ANO10: variants seen among roughly 807,000 people sequenced by gnomAD.
ANO10 encodes the protein anoctamin 10.
Under a neutral mutation model 74.7 loss-of-function variants are expected in ANO10, and 77 were observed. That is an observed-to-expected ratio of 1.03 (90% CI 0.86 to 1.25). ANO10 has a LOEUF of 1.25. Ranked by LOEUF, ANO10 falls within the 50% of genes most tolerant of loss-of-function variation. ANO10 has a pLI of 0.00. For missense variants in ANO10, 721 were observed against 778.1 expected, an observed-to-expected ratio of 0.93 and a Z score of 0.87; for synonymous variants, 279 against 284.9, an observed-to-expected ratio of 0.98 and a Z score of 0.21.
chr3:43,483,227 C>T (rs570016177), intron 11 of ANO10, among the ~76,000 whole-genome samples: 5 of 152,256 alleles, frequency 3.3e-5, no homozygotes, highest in African/African-American at 9.6e-5. Flanking sequence ...TGACTTCCTG[C>T]GTAACTCTAG....
chr3:43,552,726 ATATGTATGTATGTATG>A (rs1182501393), intron 10 of ANO10, among the ~76,000 whole-genome samples: 27 of 95,564 alleles, frequency 2.8e-4, no homozygotes, highest in African/African-American at 1.0e-3. Flanking sequence ...ATATATATAT[ATATGTATGTATGTATG>A]TATGTATGTA....
At position 43,618,608 on chromosome 3, in the gene ANO10, C is replaced by G. The variant is rs114186067; in HGVS notation, c.-12+3301G>C. Among the ~76,000 whole-genome samples, 718 of 152,246 alleles carry G rather than the reference C, an allele frequency of 4.7e-3. 5 individuals carry two copies. The highest frequency in any genetic ancestry group is 0.017 in the African/African-American group (689 of 41,542). ...TTGGTAAAGAGTAAAGGCCATTACT[C>G]TTTCCTCCAAAAGACCCAGGGACTG... On this transcript the variant is annotated intron_variant, in intron 1 of 12. Coordinates refer to ENST00000292246, the MANE Select transcript of ANO10 (RefSeq NM_018075.5).
chr3:43,508,394 C>T (rs1459559468), intron 11 of ANO10, among the ~76,000 whole-genome samples: 2 of 152,196 alleles, frequency 1.3e-5, no homozygotes, highest in Non-Finnish European at 2.9e-5. Context: ...GGTGATTCCT[C>T]AAGGATCTAG....
chr3:43,640,983 T>C (rs1050719178), intron 1 of ANO10, among the ~76,000 whole-genome samples: 7 of 152,198 alleles, frequency 4.6e-5, no homozygotes, highest in Non-Finnish European at 8.8e-5. Flanking sequence ...AACGCTAGCA[T>C]ACACGCAGGC....
intron 1 of ANO10, among the ~76,000 whole-genome samples, chr3:43,671,749 A>G (rs2084062043): frequency 6.6e-6 from 1 of 152,162 alleles, no homozygotes; most frequent in Non-Finnish European, 1.5e-5. Flanking sequence ...TACAAAAGTA[A>G]CAGCAATATG....
At chr3:43,648,811 G>A (rs773590905) in intron 1 of ANO10, among the ~76,000 whole-genome samples, 2 of 151,778 alleles carry the variant, frequency 1.3e-5, no homozygotes, top group Non-Finnish European at 2.9e-5. Context: ...CGAGTAGCTG[G>A]AACTATAGGC....
chr3:43,543,723 A>G (rs1261836447), intron 11 of ANO10, among the ~76,000 whole-genome samples: 4 of 152,166 alleles, frequency 2.6e-5, no homozygotes, highest in Non-Finnish European at 5.9e-5. Context: ...GCAGATGGAG[A>G]GGGGGTGCCA....
chr3:43,597,944 C>A (rs7623828), intron 4 of ANO10, among the ~76,000 whole-genome samples: 45,869 of 150,900 alleles, frequency 0.3, 10,720 homozygotes, highest in African/African-American at 0.64. Flanking sequence ...ACAACAACAA[C>A]AAAAAAAACA....
At chr3:43,552,130 C>T (rs896018276) in intron 10 of ANO10, among the ~76,000 whole-genome samples, 3 of 152,086 alleles carry the variant, frequency 2.0e-5, no homozygotes, top group Non-Finnish European at 2.9e-5. Flanking sequence ...ATTATATATC[C>T]GTAACTTATC....
chr3:43,503,371 T>G (rs2149156007), intron 11 of ANO10, among the ~76,000 whole-genome samples: 1 of 152,344 alleles, frequency 6.6e-6, no homozygotes, highest in Middle Eastern at 3.4e-3. Flanking sequence ...CACCTAATTA[T>G]TTTCTTATTG....
intron 1 of ANO10, among the ~76,000 whole-genome samples, chr3:43,659,793 C>T (rs775735582): frequency 6.6e-6 from 1 of 152,200 alleles, no homozygotes; most frequent in Non-Finnish European, 1.5e-5. Flanking sequence ...TCCCTGACCC[C>T]CATGTAGCCT....
chr3:43,493,876 C>T (rs1242003095), intron 11 of ANO10, among the ~76,000 whole-genome samples: 1 of 152,108 alleles, frequency 6.6e-6, no homozygotes, highest in Non-Finnish European at 1.5e-5. Context: ...GCTAGTACTA[C>T]AGGCACATAC....
intron 11 of ANO10, among the ~76,000 whole-genome samples, chr3:43,480,249 G>A (rs990906095): frequency 2.0e-5 from 3 of 152,154 alleles, no homozygotes; most frequent in Non-Finnish European, 2.9e-5. Context: ...TCCAGAAAAT[G>A]CAACAGAGGG....
chr3:43,419,357 C>G (rs556226747), intron 12 of ANO10, among the ~76,000 whole-genome samples: 1 of 152,320 alleles, frequency 6.6e-6, no homozygotes, highest in East Asian at 1.9e-4. Flanking sequence ...ATCGTAGAAG[C>G]TGACAACAAC....
At chr3:43,373,520 G>A (rs917489006) in intron 12 of ANO10, among the ~76,000 whole-genome samples, 1 of 152,200 alleles carries the variant, frequency 6.6e-6, no homozygotes, top group African/African-American at 2.4e-5. Context: ...TGTAATGTCT[G>A]TTTCTCAAAT....
chr3:43,419,421 T>C (rs2092788294), intron 12 of ANO10, among the ~76,000 whole-genome samples: 2 of 152,216 alleles, frequency 1.3e-5, no homozygotes, highest in Non-Finnish European at 2.9e-5. Flanking sequence ...AAAGATCATT[T>C]CTATAGAATT....
chr3:43,682,302 C>A (rs1265081989), intron 1 of ANO10, among the ~76,000 whole-genome samples: 1 of 152,112 alleles, frequency 6.6e-6, no homozygotes, highest in East Asian at 1.9e-4. Context: ...ATATAAACAC[C>A]CGTATGCAAA....
intron 12 of ANO10, among the ~76,000 whole-genome samples, chr3:43,376,887 G>A (rs952104802): frequency 6.6e-6 from 1 of 152,088 alleles, no homozygotes; most frequent in Non-Finnish European, 1.5e-5. Context: ...ATGGCAGTGA[G>A]CTGTTTCAGA....
At chr3:43,581,035 G>T (rs541809754) in intron 4 of ANO10, among the ~76,000 whole-genome samples, 78 of 152,082 alleles carry the variant, frequency 5.1e-4, no homozygotes, top group African/African-American at 1.8e-3. Flanking sequence ...GCTAAAATTT[G>T]TACAAATACC....
Sources: gnomAD v4.1 joint callset for allele counts (sites outside exome capture counted in the v4.1 genomes callset) on GRCh38, gnomAD v4.1.1 for gene constraint, MANE v1.5 for transcripts, NCBI Gene and HGNC (gene_info 2026-07-23, HGNC 2026-07-21) for gene names.